PSTPIP2: variants seen among roughly 807,000 people sequenced by gnomAD.
PSTPIP2 encodes proline-serine-threonine phosphatase interacting protein 2.
In PSTPIP2, 33 loss-of-function variants were observed where a neutral mutation model predicts 63.3. The observed-to-expected ratio is 0.52, with a 90% CI of 0.40 to 0.70. PSTPIP2 has a LOEUF of 0.70. Ranked by LOEUF, PSTPIP2 falls within the 30% of genes least tolerant of loss-of-function variation. The pLI, the probability that PSTPIP2 is intolerant of heterozygous loss-of-function variation, is 0.00. For missense variants in PSTPIP2, 312 were observed against 400.7 expected (o/e 0.78, Z 1.89); for synonymous variants, 125 against 132.7 (o/e 0.94, Z 0.40).
At chr18:45,991,096 G>A (rs1352791209) in intron 12 of PSTPIP2, among the ~76,000 whole-genome samples, 3 of 152,154 alleles carry the variant, frequency 2.0e-5, no homozygotes, top group African/African-American at 7.2e-5. Context: ...AGTATAAACA[G>A]CTCCCACCTC....
At chr18:46,057,890 C>G (rs901356059) in intron 1 of PSTPIP2, among the ~76,000 whole-genome samples, 1 of 150,104 alleles carries the variant, frequency 6.7e-6, no homozygotes, top group Admixed American at 6.7e-5. Context: ...CCCAGCTACT[C>G]GGGAGGCTGA....
chr18:46,060,470 C>T (rs1203689639), intron 1 of PSTPIP2, among the ~76,000 whole-genome samples: 2 of 152,328 alleles, frequency 1.3e-5, no homozygotes, highest in Admixed American at 6.5e-5. Flanking sequence ...CACTGCACAA[C>T]AGGAAGCTCA....
chr18:46,010,310 C>G (rs902997992), intron 5 of PSTPIP2, among the ~76,000 whole-genome samples: 4 of 152,124 alleles, frequency 2.6e-5, no homozygotes, highest in African/African-American at 9.7e-5. Context: ...CAAAGGGACC[C>G]CCGGGCAGGG....
chr18:46,030,752 A>T (rs1907761700), intron 2 of PSTPIP2, among the ~76,000 whole-genome samples: 4 of 152,184 alleles, frequency 2.6e-5, no homozygotes, highest in African/African-American at 9.7e-5. Flanking sequence ...CATATTTGAG[A>T]CTATTTACCT....
chr18:46,044,824 CA>C (rs1198234624), intron 1 of PSTPIP2, among the ~76,000 whole-genome samples: 1 of 152,254 alleles, frequency 6.6e-6, no homozygotes, highest in South Asian at 2.1e-4. Context: ...AAAAAACAAA[CA>C]ACCCCATCAA....
At position 45,993,601 on chromosome 18, in the gene PSTPIP2, T is replaced by A; in HGVS notation, c.741+4A>T. The stretch of plus-strand genomic sequence containing the variant: ...ACAATCCTCAGTGGATGCCTCTGAC[T>A]TACTTCATCACTGGTGACACATTGT... On this transcript the variant is annotated splice_donor_region_variant and intron_variant, in intron 10 of 14. Coordinates refer to ENST00000409746, the MANE Select transcript of PSTPIP2 (RefSeq NM_024430.4). 1 of 1,610,892 alleles carries A rather than the reference T, an allele frequency of 6.2e-7. No individual in the cohort carries two copies. Among genetic ancestry groups the A allele is most frequent in the Non-Finnish European group, 8.5e-7 (1 of 1,177,072 alleles).
intron 2 of PSTPIP2, among the ~76,000 whole-genome samples, chr18:46,030,935 A>G (rs780636604): frequency 1.8e-4 from 27 of 152,122 alleles, no homozygotes; most frequent in Non-Finnish European, 2.6e-4. Flanking sequence ...TCCTTCCTTG[A>G]TATTTGAAGA....
chr18:46,015,244 C>T (rs570549239), intron 4 of PSTPIP2, among the ~76,000 whole-genome samples: 1 of 152,194 alleles, frequency 6.6e-6, no homozygotes, highest in East Asian at 1.9e-4. Flanking sequence ...ATATTTCCTT[C>T]GATGCTTACT....
intron 1 of PSTPIP2, 60 bp from the exon 2 acceptor site, chr18:46,040,107 A>G (rs1391169491): frequency 7.3e-6 from 10 of 1,365,816 alleles, no homozygotes; most frequent in Admixed American, 2.1e-5. Flanking sequence ...AAGGCCGGAG[A>G]GAAGATAAGA....
intron 14 of PSTPIP2, among the ~76,000 whole-genome samples, chr18:45,986,539 C>T (rs2051468389): frequency 6.6e-6 from 1 of 152,234 alleles, no homozygotes; most frequent in Non-Finnish European, 1.5e-5. Context: ...CTCCAGAGAG[C>T]AGGTGCCACA....
intron 6 of PSTPIP2, among the ~76,000 whole-genome samples, chr18:46,004,560 CAG>C (rs2051704321): frequency 6.6e-6 from 1 of 152,130 alleles, no homozygotes; most frequent in Non-Finnish European, 1.5e-5. Context: ...AAAATAGTAA[CAG>C]GGTAAAATTG....
At chr18:46,028,136 G>A (rs1907648652) in intron 2 of PSTPIP2, among the ~76,000 whole-genome samples, 1 of 152,250 alleles carries the variant, frequency 6.6e-6, no homozygotes, top group Non-Finnish European at 1.5e-5. Context: ...ACTCCAGCCC[G>A]GGCGACAGAG....
chr18:46,071,276 G>C (rs567199413), intron 1 of PSTPIP2, among the ~76,000 whole-genome samples: 192 of 152,292 alleles, frequency 1.3e-3, no homozygotes, highest in Middle Eastern at 6.8e-3. Context: ...AGGGCCCCTT[G>C]GCAGCTGCGG....
chr18:46,007,713 A>G (rs908235139), intron 5 of PSTPIP2, among the ~76,000 whole-genome samples: 12 of 152,316 alleles, frequency 7.9e-5, no homozygotes, highest in Non-Finnish European at 1.8e-4. Flanking sequence ...TAAGATCTAT[A>G]TAACACTTGC....
Position 45,992,186 on chromosome 18 carries a change from C to T in PSTPIP2, c.758G>A (p.Arg253Gln), listed in dbSNP as rs537771128. ...VTSDEMYEQVRKSLEMCSIQR... is the reference protein window; with the variant it reads ...VTSDEMYEQVQKSLEMCSIQR... ...AATGCTGCACATTTCTAAACTCTTT[C>T]GGACTTGTTCGTACATCTAATAAAA... is the stretch of plus-strand genomic sequence containing the variant. Residue 253 changes from arginine to glutamine, a missense_variant, in exon 11 of 15, where the codon CGA becomes CAA. By Grantham distance (43) the Arg-to-Gln change is conservative. Transcript: ENST00000409746. 7 of 1,593,380 alleles carry T rather than the reference C, an allele frequency of 4.4e-6. No homozygotes were observed. Among genetic ancestry groups the T allele is most frequent in the South Asian group, 1.1e-5 (1 of 88,322 alleles).
At chr18:46,058,853 A>T (rs907205007) in intron 1 of PSTPIP2, among the ~76,000 whole-genome samples, 10 of 152,100 alleles carry the variant, frequency 6.6e-5, no homozygotes, top group Middle Eastern at 3.2e-3. Flanking sequence ...TGGCCTTGCC[A>T]CAGGCAGGTG....
At chr18:46,045,863 A>G (rs28528989) in intron 1 of PSTPIP2, among the ~76,000 whole-genome samples, 2,235 of 152,302 alleles carry the variant, frequency 0.015, 38 homozygotes, top group Admixed American at 0.037. Flanking sequence ...AAGGAGACTC[A>G]CTTGAGCCCA....
chr18:46,071,960 C>T (rs1395454594), intron 1 of PSTPIP2, among the ~76,000 whole-genome samples, 196 bp downstream of exon 1: 1 of 152,130 alleles, frequency 6.6e-6, no homozygotes, highest in Non-Finnish European at 1.5e-5. Flanking sequence ...AACAGCAGCC[C>T]GGCGTCCGCT....
At chr18:46,028,649 A>G (rs1352683865) in intron 2 of PSTPIP2, 37 of 829,246 alleles carry the variant, frequency 4.5e-5, no homozygotes, top group Non-Finnish European at 6.2e-6. Context: ...AAGAAGATGA[A>G]GATGAGGAAA....
Sources: allele counts gnomAD v4.1 joint callset (sites outside exome capture counted in the v4.1 genomes callset), GRCh38; gene constraint gnomAD v4.1.1; transcripts MANE v1.5; gene names NCBI Gene and HGNC (gene_info 2026-07-23, HGNC 2026-07-21).